SLC18A2: variants seen among roughly 807,000 people sequenced by gnomAD.
SLC18A2 encodes the protein solute carrier family 18 member A2, also known as synaptic vesicular amine transporter.
SLC18A2 carries 33 observed loss-of-function variants against 59.2 expected under a neutral mutation model. That is an observed-to-expected ratio of 0.56 (90% CI 0.42 to 0.75). The LOEUF (loss-of-function observed/expected upper bound fraction) is 0.75. SLC18A2 is among the 30% of genes least tolerant of loss of function. The pLI, the probability that SLC18A2 is intolerant of heterozygous loss-of-function variation, is 0.00. For missense variants in SLC18A2, 569 were observed against 668.6 expected (o/e 0.85, Z 1.64); for synonymous variants, 228 against 253.5 (o/e 0.90, Z 0.95).
rs149505413 is a variant in SLC18A2, at chr10:117,266,968, C to T, written c.1071-16C>T. ...ATCAAATGATCATTTCTTGATGGTGCTTTTTCTTTTGGTAGGTGGCTTTGT... is the reference window on the plus strand; with the variant it reads ...ATCAAATGATCATTTCTTGATGGTGTTTTTTCTTTTGGTAGGTGGCTTTGT... On this transcript the variant is annotated splice_polypyrimidine_tract_variant and intron_variant, in intron 11 of 15. Coordinates refer to ENST00000644641, the MANE Select transcript of SLC18A2 (RefSeq NM_003054.6). The T allele has an allele frequency of 4.1e-5, 66 of 1,611,248 alleles. No homozygotes were observed. The African/African-American group carries it at 6.1e-4, about 15-fold the overall frequency.
At chr10:117,246,651 AT>A (rs144696052) in intron 3 of SLC18A2, among the ~76,000 whole-genome samples, 2 of 150,380 alleles carry the variant, frequency 1.3e-5, no homozygotes, top group Admixed American at 6.8e-5. Context: ...GGACAAACAA[AT>A]TTTTTTTTCT....
rs531191033 is a variant in SLC18A2 at position 117,253,355 on chromosome 10, A to G, written c.465-44A>G. 2.6e-5 allele frequency: 38 copies of G among 1,450,164 alleles called. No homozygotes were observed. The African/African-American group carries it at 4.7e-4, about 18-fold the overall frequency. 89.8% of individuals were successfully genotyped at this position (1,450,164 alleles called of 1,614,324 possible). On this transcript the variant is annotated intron_variant, in intron 3 of 15. Transcript: ENST00000644641. ...AAAATCAATATAAAGCCTTAAAAAA[A>G]TAGCCTGCAGTCACCAGATTTGTCT...
rs540139250 is a variant in SLC18A2, at chr10:117,267,335, C to T, written c.1122+300C>T. 7 of 446,920 alleles carry T rather than the reference C, an allele frequency of 1.6e-5. No homozygotes were observed. In the Admixed American group the frequency reaches 1.9e-4, roughly 12 times the overall value. 27.7% of individuals were successfully genotyped at this position (446,920 alleles called of 1,614,324 possible). A position where few individuals can be genotyped will look rare whatever the true frequency, so the allele number is the denominator to read the frequency against. On this transcript the variant is annotated intron_variant, in intron 12 of 15. Coordinates refer to ENST00000644641, the MANE Select transcript of SLC18A2 (RefSeq NM_003054.6). ...CAGGACAACCAACCTGAAACAATAG[C>T]AAGATGTTTTTCTAGAATAAAATCT...
chr10:117,273,273 A>C (rs1467847241), intron 15 of SLC18A2, among the ~76,000 whole-genome samples: 1 of 152,228 alleles, frequency 6.6e-6, no homozygotes, highest in African/African-American at 2.4e-5. Context: ...CTGCACATAC[A>C]GGAAATATCA....
intron 15 of SLC18A2, among the ~76,000 whole-genome samples, chr10:117,270,813 G>A (rs900270835): frequency 6.6e-6 from 1 of 152,124 alleles, no homozygotes; most frequent in African/African-American, 2.4e-5. Flanking sequence ...TATGCCCAAG[G>A]TTAGCCATTT....
chr10:117,271,554 T>C (rs541041655), intron 15 of SLC18A2, among the ~76,000 whole-genome samples: 1 of 152,330 alleles, frequency 6.6e-6, no homozygotes, highest in African/African-American at 2.4e-5. Context: ...TTATTTTAAA[T>C]AGGATTTAAC....
Position 117,241,735 on chromosome 10 carries a change from G to A in SLC18A2, c.42G>A (p.Glu14=), listed in dbSNP as rs775050186. 1.2e-6 allele frequency: 2 copies of A among 1,608,362 alleles called. No individual in the cohort carries two copies. The highest frequency in any genetic ancestry group is 1.1e-5 in the South Asian group (1 of 90,488). ...SELALVRWLQ[E]SRRSRKLILF... The stretch of plus-strand genomic sequence containing the variant: ...TGGCGCTGGTCCGCTGGCTGCAGGA[G>A]AGCCGCCGCTCGCGGAAGCTCATCC... The change falls in exon 2 of 16, where the codon GAG becomes GAA. Residue 14 remains glutamate (E), a synonymous_variant. Transcript: ENST00000644641.
chr10:117,257,942 C>A, intron 10 of SLC18A2, 50 bp downstream of exon 10: 1 of 1,342,360 alleles, frequency 7.4e-7, no homozygotes, highest in Non-Finnish European at 1.0e-6. Flanking sequence ...GTCCCCAGGG[C>A]AGCCTTTGTC....
intron 10 of SLC18A2, among the ~76,000 whole-genome samples, chr10:117,258,573 AT>A (rs34975750): frequency 0.077 from 11,394 of 148,652 alleles, 843 homozygotes; most frequent in East Asian, 0.2. Context: ...ATTAAATTTT[AT>A]TTTTTTTTAT....
chr10:117,242,906 A>G (rs968100605), intron 2 of SLC18A2, among the ~76,000 whole-genome samples: 2 of 151,856 alleles, frequency 1.3e-5, no homozygotes, highest in African/African-American at 4.8e-5. Flanking sequence ...TAATTTTTGT[A>G]TTTTTATTAG....
At chr10:117,275,308 G>T (rs994598144) in intron 15 of SLC18A2, among the ~76,000 whole-genome samples, 10 of 152,146 alleles carry the variant, frequency 6.6e-5, no homozygotes, top group African/African-American at 2.2e-4. Context: ...ACAGATCACT[G>T]GATAATGTCT....
intron 10 of SLC18A2, among the ~76,000 whole-genome samples, chr10:117,260,752 C>G (rs1041199631): frequency 1.3e-5 from 2 of 152,168 alleles, no homozygotes; most frequent in African/African-American, 4.8e-5. Context: ...GGATCTCAAT[C>G]CAGACCCCAA....
intron 3 of SLC18A2, among the ~76,000 whole-genome samples, chr10:117,244,933 ATAATCCAAGC>A (rs1206075039): frequency 6.6e-6 from 1 of 152,250 alleles, no homozygotes; most frequent in East Asian, 1.9e-4. Flanking sequence ...TGTTGTCTGG[ATAATCCAAGC>A]TGCCCAAACT....
intron 13 of SLC18A2, 56 bp from the exon 14 acceptor site, chr10:117,270,015 G>A: frequency 6.9e-6 from 11 of 1,600,844 alleles, no homozygotes; most frequent in Non-Finnish European, 9.4e-6. Flanking sequence ...CTGATATTCG[G>A]CCCATTTTGG....
chr10:117,246,998 C>T (rs886910425), intron 3 of SLC18A2, among the ~76,000 whole-genome samples: 2 of 152,192 alleles, frequency 1.3e-5, no homozygotes, highest in East Asian at 3.9e-4. Flanking sequence ...TAATTTGTCT[C>T]ATAATTTCCA....
In SLC18A2 at chr10:117,267,054, T is replaced by C. The variant is rs1458834337; in HGVS notation, c.1122+19T>C. On this transcript the variant is annotated intron_variant, in intron 12 of 15. Coordinates refer to ENST00000644641, the MANE Select transcript of SLC18A2 (RefSeq NM_003054.6). ...TTTATGTGTGAGTAAAAGATGGCATTTGACAAGTGGGAACAATCTGTGAAT... is the reference window on the plus strand; with the variant it reads ...TTTATGTGTGAGTAAAAGATGGCATCTGACAAGTGGGAACAATCTGTGAAT... 1.3e-6 allele frequency: 2 copies of C among 1,596,988 alleles called. No homozygotes were observed. The highest frequency in any genetic ancestry group is 1.7e-6 in the Non-Finnish European group (2 of 1,166,054).
At chr10:117,253,562 G>GT (rs1021906925) in intron 4 of SLC18A2, 105 bp downstream of exon 4, 2 of 320,280 alleles carry the variant, frequency 6.2e-6, no homozygotes, top group East Asian at 9.4e-5. Context: ...CGGGGGGGCG[G>GT]GGGGGGTCGT....
chr10:117,255,138 G>C (rs544275599), intron 6 of SLC18A2, 139 bp from the exon 7 acceptor site: 10 of 759,220 alleles, frequency 1.3e-5, no homozygotes, highest in Non-Finnish European at 1.7e-5. Flanking sequence ...AACTCTAACC[G>C]AACAGAACAA....
intron 3 of SLC18A2, among the ~76,000 whole-genome samples, chr10:117,251,333 T>C (rs1844159898): frequency 6.6e-6 from 1 of 152,190 alleles, no homozygotes; most frequent in African/African-American, 2.4e-5. Flanking sequence ...CCTGATTCAG[T>C]ATCCTGCAGT....
Sources: gnomAD v4.1 joint callset for allele counts (sites outside exome capture counted in the v4.1 genomes callset) on GRCh38, gnomAD v4.1.1 for gene constraint, MANE v1.5 for transcripts, NCBI Gene and HGNC (gene_info 2026-07-23, HGNC 2026-07-21) for gene names.